The following TNFRSF11A variants were observed in gnomAD, a reference collection of about 807,000 sequenced individuals.
The protein encoded by TNFRSF11A is TNF receptor superfamily member 11a, also known as tumor necrosis factor receptor superfamily member 11A.
Under a neutral mutation model 55.7 loss-of-function variants are expected in TNFRSF11A, and 32 were observed. The ratio of observed to expected loss-of-function variants is 0.57; its 90% CI spans 0.43 to 0.77. The LOEUF (loss-of-function observed/expected upper bound fraction) is 0.77. TNFRSF11A is among the 30% of genes least tolerant of loss of function. The pLI is 0.00. For synonymous variants in TNFRSF11A, 311 were observed against 331.0 expected (o/e 0.94, Z 0.65); for missense variants, 753 against 809.8 (o/e 0.93, Z 0.85).
intron 4 of TNFRSF11A, chr18:62,357,893 C>T: frequency 3.3e-6 from 1 of 300,942 alleles, no homozygotes; most frequent in Non-Finnish European, 6.5e-6. Context: ...GGCTCCCAGA[C>T]TAGGAAACAA....
intron 9 of TNFRSF11A, among the ~76,000 whole-genome samples, chr18:62,374,473 G>A (rs1345873635): frequency 2.0e-5 from 3 of 152,214 alleles, no homozygotes; most frequent in Non-Finnish European, 4.4e-5. Flanking sequence ...AGAACCCAAT[G>A]TAGCCTGGGT....
chr18:62,367,788 C>CTTTTTTTTTTTTT (rs67721371), intron 8 of TNFRSF11A, among the ~76,000 whole-genome samples: 17 of 78,668 alleles, frequency 2.2e-4, no homozygotes, highest in Admixed American at 5.6e-4. Context: ...TCTTCTTCTT[C>CTTTTTTTTTTTTT]TTTTTTTTTT....
At chr18:62,354,283 C>A in intron 3 of TNFRSF11A, 108 bp from the exon 4 acceptor site, 3 of 1,377,166 alleles carry the variant, frequency 2.2e-6, no homozygotes, top group South Asian at 1.5e-5. Flanking sequence ...TGCAGGCCTG[C>A]CAGGCGGGCT....
intron 1 of TNFRSF11A, among the ~76,000 whole-genome samples, chr18:62,339,631 C>T (rs1482361483): frequency 6.6e-6 from 1 of 152,190 alleles, no homozygotes; most frequent in Non-Finnish European, 1.5e-5. Flanking sequence ...CAAGCCAGGA[C>T]CTCATGCAGG....
At chr18:62,326,971 G>C (rs1378659413) in intron 1 of TNFRSF11A, among the ~76,000 whole-genome samples, 1 of 152,156 alleles carries the variant, frequency 6.6e-6, no homozygotes, top group Non-Finnish European at 1.5e-5. Flanking sequence ...TTGAGGAAGG[G>C]TCAGATGATT....
At chr18:62,349,312 G>T (rs1205107115) in intron 2 of TNFRSF11A, among the ~76,000 whole-genome samples, 1 of 151,982 alleles carries the variant, frequency 6.6e-6, no homozygotes, top group Non-Finnish European at 1.5e-5. Flanking sequence ...CTCCCAAGTA[G>T]CTGGGACTAC....
At chr18:62,361,104 A>G (rs1191104154) in intron 6 of TNFRSF11A, among the ~76,000 whole-genome samples, 1 of 152,220 alleles carries the variant, frequency 6.6e-6, no homozygotes, top group South Asian at 2.1e-4. Context: ...AGGAGAGGAA[A>G]AGTAGGAGTC....
At chr18:62,374,333 C>T (rs1032410338) in intron 9 of TNFRSF11A, among the ~76,000 whole-genome samples, 2 of 152,190 alleles carry the variant, frequency 1.3e-5, no homozygotes, top group African/African-American at 2.4e-5. Context: ...AATACTGTTT[C>T]CCTTCCCTTA....
chr18:62,378,173 T>C (rs1396607204), intron 9 of TNFRSF11A: 1 of 152,224 alleles, frequency 6.6e-6, no homozygotes, highest in Non-Finnish European at 1.5e-5. Context: ...TGTTCTGCAA[T>C]ACAGAAAGCA....
chr18:62,384,601 G>A (rs1433078227), intron 9 of TNFRSF11A, 150 bp from the exon 10 acceptor site: 7 of 800,586 alleles, frequency 8.7e-6, no homozygotes, highest in Middle Eastern at 3.3e-4. Context: ...CCGCCTCAGT[G>A]GGCCTGGAGG....
At chr18:62,346,503 GA>G (rs1345143988) in intron 1 of TNFRSF11A, among the ~76,000 whole-genome samples, 20 of 152,190 alleles carry the variant, frequency 1.3e-4, no homozygotes, top group African/African-American at 4.8e-4. Flanking sequence ...GTCACCCAGT[GA>G]ATACATGGGG....
chr18:62,377,107 G>T (rs947283025), intron 9 of TNFRSF11A, among the ~76,000 whole-genome samples: 11 of 152,128 alleles, frequency 7.2e-5, no homozygotes, highest in African/African-American at 2.7e-4. Context: ...AGTAGAGACG[G>T]GGTTTCACTG....
At chr18:62,353,051 G>T in intron 3 of TNFRSF11A, among the ~76,000 whole-genome samples, 1 of 152,052 alleles carries the variant, frequency 6.6e-6, no homozygotes, top group Non-Finnish European at 1.5e-5. Context: ...GGGGGTATGG[G>T]GTCATGTACT....
Position 62,389,971 on chromosome 18 carries a change from A to T in TNFRSF11A, c.*4937A>T, listed in dbSNP as rs1165184262. The stretch of plus-strand genomic sequence containing the variant: ...CAACATGCGTAAGCAGAAGGTACTA[A>T]TATTAGTCTTTAGGGCTGGTTTGAG... On this transcript the variant is annotated 3_prime_UTR_variant, in exon 10 of 10. Coordinates refer to ENST00000586569, the MANE Select transcript of TNFRSF11A (RefSeq NM_003839.4). 6.6e-6 allele frequency: 1 copy of T among 152,204 alleles called. No individual in the cohort carries two copies. The highest frequency in any genetic ancestry group is 1.5e-5 in the Non-Finnish European group (1 of 68,048). 9.4% of individuals were successfully genotyped at this position (152,204 alleles called of 1,614,324 possible). A position where few individuals can be genotyped will look rare whatever the true frequency, so the allele number is the denominator to read the frequency against.
chr18:62,348,229 G>T lies in TNFRSF11A; in HGVS notation c.137G>T (p.Cys46Phe). The change falls in exon 2 of 10, where the codon TGC (cysteine) becomes TTC (phenylalanine). Residue 46 changes from cysteine to phenylalanine, a missense_variant. By Grantham distance (205) the Cys-to-Phe change is radical (BLOSUM62 -2). Around this residue, in one of 3 missense-constraint regions of TNFRSF11A, gnomAD observed 156 missense variants for 155.1 expected, o/e 1.01. Coordinates refer to ENST00000586569, the MANE Select transcript of TNFRSF11A (RefSeq NM_003839.4). ...AAGCATTATGAGCATCTGGGACGGT[G>T]CTGTAACAAATGTGAACCAGGTACA... ...SEKHYEHLGR[C>F]CNKCEPGKYM... 6.2e-7 allele frequency: 1 copy of T among 1,614,138 alleles called. No individual in the cohort carries two copies.
chr18:62,371,054 G>A (rs1356349597), intron 9 of TNFRSF11A, among the ~76,000 whole-genome samples: 1 of 152,040 alleles, frequency 6.6e-6, no homozygotes, highest in Non-Finnish European at 1.5e-5. Flanking sequence ...GGTCTCAAAC[G>A]CCTGACCTCA....
chr18:62,375,878 A>G (rs1910858356), intron 9 of TNFRSF11A, among the ~76,000 whole-genome samples: 4 of 152,200 alleles, frequency 2.6e-5, no homozygotes, highest in Admixed American at 2.6e-4. Context: ...ATGTACCTGT[A>G]GTCCCAGCCA....
At chr18:62,333,812 C>A (rs2046190773) in intron 1 of TNFRSF11A, among the ~76,000 whole-genome samples, 1 of 152,018 alleles carries the variant, frequency 6.6e-6, no homozygotes, top group Non-Finnish European at 1.5e-5. Context: ...GCCCAGTCTG[C>A]ATTTGTGGGG....
chr18:62,376,762 A>G (rs1371436749), intron 9 of TNFRSF11A, among the ~76,000 whole-genome samples: 1 of 152,162 alleles, frequency 6.6e-6, no homozygotes, highest in Admixed American at 6.5e-5. Flanking sequence ...ACTTCTGGCA[A>G]CTACTGATCT....
Sources: allele counts gnomAD v4.1 joint callset (sites outside exome capture counted in the v4.1 genomes callset), GRCh38; gene constraint gnomAD v4.1.1; regional missense constraint gnomAD v4.1.1; transcripts MANE v1.5; gene names NCBI Gene and HGNC (gene_info 2026-07-23, HGNC 2026-07-21).